The following CAST variants were observed in gnomAD, a reference collection of about 807,000 sequenced individuals.
CAST encodes MIR583 host.
CAST carries 76 observed loss-of-function variants against 119.6 expected under a neutral mutation model. The observed-to-expected ratio is 0.64, with a 90% CI of 0.53 to 0.77. CAST has a LOEUF of 0.77. CAST is among the 30% of genes least tolerant of loss of function. CAST has a pLI of 0.00. For synonymous variants in CAST, 319 were observed against 331.6 expected (o/e 0.96, Z 0.41); for missense variants, 953 against 946.5 (o/e 1.01, Z -0.09).
the CAST span, among the ~76,000 whole-genome samples, chr5:96,133,304 A>C: frequency 0.29 from 44,301 of 151,510 alleles, 6,802 homozygotes; most frequent in Middle Eastern, 0.34. Context: ...AAAAAAAAAA[A>C]ACACACACAC....
chr5:96,320,955 C>T, the CAST span, among the ~76,000 whole-genome samples: 1 of 152,128 alleles, frequency 6.6e-6, no homozygotes, highest in Non-Finnish European at 1.5e-5. Context: ...TGAGTCGTCG[C>T]CATGATTCAG....
chr5:96,033,393 C>A, the CAST span, among the ~76,000 whole-genome samples: 1 of 152,014 alleles, frequency 6.6e-6, no homozygotes, highest in Non-Finnish European at 1.5e-5. Context: ...TACCAGACTT[C>A]AAAATATACT....
the CAST span, among the ~76,000 whole-genome samples, chr5:96,375,569 A>G: frequency 6.6e-6 from 1 of 152,072 alleles, no homozygotes; most frequent in African/African-American, 2.4e-5. Context: ...TTATGTGTCA[A>G]CTGGCCAGGC....
the CAST span, among the ~76,000 whole-genome samples, chr5:96,020,968 T>C: frequency 6.6e-6 from 1 of 152,074 alleles, no homozygotes; most frequent in African/African-American, 2.4e-5. Flanking sequence ...AAGAGAAATA[T>C]TTAATTCAGT....
At chr5:96,266,641 A>C in the CAST span, among the ~76,000 whole-genome samples, 1 of 152,238 alleles carries the variant, frequency 6.6e-6, no homozygotes, top group East Asian at 1.9e-4. Flanking sequence ...CCTAAAGAAA[A>C]AAAGAGAAAG....
the CAST span, among the ~76,000 whole-genome samples, chr5:96,043,100 T>C: frequency 6.6e-6 from 1 of 152,178 alleles, no homozygotes; most frequent in Non-Finnish European, 1.5e-5. Flanking sequence ...ACTAATAGTA[T>C]ATCTGAAAAT....
the CAST span, among the ~76,000 whole-genome samples, chr5:96,247,449 C>T: frequency 2.0e-5 from 3 of 152,378 alleles, no homozygotes; most frequent in East Asian, 5.8e-4. Context: ...TTCTGAGTAA[C>T]TCCAGAGTTC....
the CAST span, among the ~76,000 whole-genome samples, chr5:96,222,655 A>G: frequency 2.8e-4 from 43 of 152,214 alleles, no homozygotes; most frequent in African/African-American, 9.1e-4. Flanking sequence ...ATTATACACC[A>G]TTGATGGGAA....
rs139899351 is a variant in CAST, at chr5:96,665,295, A to G, written c.75+2798A>G. ...GCAGGTGAAATTTGTGCTAATTGAT[A>G]TATTTTACTTAACCTACTATATCCC... is the stretch of plus-strand genomic sequence containing the variant. On this transcript the variant is annotated intron_variant, in intron 1 of 31. Coordinates refer to ENST00000675179, the MANE Select transcript of CAST (RefSeq NM_001750.7). 3.4e-3 allele frequency among the ~76,000 whole-genome samples: 517 copies of G among 152,350 alleles called. 3 individuals are homozygous for G. Among genetic ancestry groups the G allele is most frequent in the Admixed American group, 5.1e-3 (78 of 15,308 alleles).
chr5:96,479,043 G>A, the CAST span, among the ~76,000 whole-genome samples: 1 of 152,196 alleles, frequency 6.6e-6, no homozygotes, highest in Non-Finnish European at 1.5e-5. Context: ...GCAGTAGAAA[G>A]TGAGCACTGA....
the CAST span, among the ~76,000 whole-genome samples, chr5:96,050,575 G>T: frequency 6.6e-6 from 1 of 152,214 alleles, no homozygotes; most frequent in Non-Finnish European, 1.5e-5. Context: ...TCTGTGAAGA[G>T]GTCTCTGAGG....
At chr5:96,128,290 T>C in the CAST span, among the ~76,000 whole-genome samples, 1 of 152,090 alleles carries the variant, frequency 6.6e-6, no homozygotes, top group African/African-American at 2.4e-5. Context: ...TTCTGGTCTG[T>C]CTCTTTTTGT....
chr5:96,562,071 C>T (rs1357785639), intron 1 of CAST, among the ~76,000 whole-genome samples: 2 of 151,596 alleles, frequency 1.3e-5, no homozygotes, highest in East Asian at 1.9e-4. Flanking sequence ...GGATTACAGG[C>T]GTGAGCCACC....
At chr5:96,323,352 G>A in the CAST span, among the ~76,000 whole-genome samples, 33,558 of 152,090 alleles carry the variant, frequency 0.22, 4,578 homozygotes, top group Non-Finnish European at 0.29. Flanking sequence ...GGTTTCCAGA[G>A]AACATTGTCA....
the CAST span, among the ~76,000 whole-genome samples, chr5:96,454,682 G>A: frequency 6.6e-6 from 1 of 152,160 alleles, no homozygotes; most frequent in Non-Finnish European, 1.5e-5. Flanking sequence ...AACAGAGATT[G>A]TTTCGTTTGA....
chr5:96,636,921 A>G (rs1462272912), intron 1 of CAST, among the ~76,000 whole-genome samples: 2 of 138,280 alleles, frequency 1.4e-5, no homozygotes, highest in African/African-American at 5.6e-5. Context: ...TTGGGGGTCA[A>G]GATGCGGTGT....
intron 2 of CAST, 33 bp downstream of exon 2, chr5:96,675,634 C>T (rs1484601052): frequency 4.0e-6 from 6 of 1,487,802 alleles, no homozygotes; most frequent in Non-Finnish European, 5.6e-6. Context: ...TTCATTTTCT[C>T]TTGCTTTTAA....
the CAST span, among the ~76,000 whole-genome samples, chr5:96,501,296 A>G: frequency 6.6e-6 from 1 of 152,242 alleles, no homozygotes; most frequent in Non-Finnish European, 1.5e-5. Context: ...TCTTCATTTA[A>G]AGATTAGAAG....
the CAST span, among the ~76,000 whole-genome samples, chr5:96,341,587 C>G: frequency 2.6e-5 from 4 of 152,112 alleles, no homozygotes; most frequent in East Asian, 7.7e-4. Flanking sequence ...TCTATTATCC[C>G]TTTCTGGGTG....
Sources: allele counts gnomAD v4.1 joint callset (sites outside exome capture counted in the v4.1 genomes callset), GRCh38; gene constraint gnomAD v4.1.1; transcripts MANE v1.5; gene names NCBI Gene and HGNC (gene_info 2026-07-23, HGNC 2026-07-21).